The following SUSD1 variants were observed in gnomAD, a reference collection of about 807,000 sequenced individuals.
SUSD1 encodes the protein sushi domain-containing protein 1.
A neutral mutation model predicts 86.9 loss-of-function variants in SUSD1; 65 were observed. The observed-to-expected ratio is 0.75, with a 90% CI of 0.61 to 0.92. The LOEUF is 0.92. Ranked by LOEUF, SUSD1 falls within the 40% of genes least tolerant of loss-of-function variation. The pLI is 0.00. For synonymous variants in SUSD1, 346 were observed against 350.0 expected (o/e 0.99, Z 0.13); for missense variants, 850 against 929.7 (o/e 0.91, Z 1.11).
At chr9:112,059,341 A>G (rs1828606776) in intron 13 of SUSD1, among the ~76,000 whole-genome samples, 1 of 152,142 alleles carries the variant, frequency 6.6e-6, no homozygotes, top group Non-Finnish European at 1.5e-5. Flanking sequence ...CATAAAATTG[A>G]CCTGATCAGT....
rs1227453685 is a variant in SUSD1 at position 112,073,513 on chromosome 9, C to T, written c.1753+5025G>A. Among the ~76,000 whole-genome samples the T allele has an allele frequency of 5.3e-5, 8 of 149,750 alleles. No homozygotes were observed. In the East Asian group the frequency reaches 1.6e-3, roughly 30 times the overall value. On this transcript the variant is annotated intron_variant, in intron 12 of 16. Transcript: ENST00000374270. ...TCTTCCCCACCCCGCCCCCACCCAC[C>T]CCCATCCTCCTCTCTCTGGTTTCCT... is the stretch of plus-strand genomic sequence containing the variant.
At chr9:112,124,176 A>G (rs914046072) in intron 6 of SUSD1, 81 bp downstream of exon 6, 2 of 1,398,834 alleles carry the variant, frequency 1.4e-6, no homozygotes, top group African/African-American at 1.4e-5. Flanking sequence ...AGAGTGAAGC[A>G]GCAATCAGAT....
At chr9:112,106,246 T>G (rs558781715) in intron 8 of SUSD1, among the ~76,000 whole-genome samples, 104 of 152,174 alleles carry the variant, frequency 6.8e-4, no homozygotes, top group Non-Finnish European at 1.1e-3. Flanking sequence ...GTGCAGGGAT[T>G]ACAGGCATGA....
chr9:112,089,879 C>G (rs1167161560), intron 10 of SUSD1, among the ~76,000 whole-genome samples: 1 of 149,458 alleles, frequency 6.7e-6, no homozygotes, highest in Non-Finnish European at 1.5e-5. Flanking sequence ...GAGCGAGAAT[C>G]AAGAAGTTTT....
intron 8 of SUSD1, chr9:112,103,304 G>A (rs1440367974): frequency 2.0e-5 from 6 of 306,490 alleles, no homozygotes; most frequent in Admixed American, 1.5e-4. Flanking sequence ...GTAGAAAGAT[G>A]GTTATGAGAG....
At chr9:112,096,609 G>A (rs529165789) in intron 10 of SUSD1, among the ~76,000 whole-genome samples, 26 of 152,054 alleles carry the variant, frequency 1.7e-4, no homozygotes, top group African/African-American at 6.0e-4. Context: ...GCGCAATCTC[G>A]GCTCCCTGCA....
intron 13 of SUSD1, among the ~76,000 whole-genome samples, 176 bp from the exon 14 acceptor site, chr9:112,058,862 C>T (rs1027691708): frequency 2.0e-5 from 3 of 152,078 alleles, no homozygotes; most frequent in South Asian, 2.1e-4. Context: ...GGTGCAATCT[C>T]GGCTCACTGC....
At chr9:112,069,308 T>C (rs1408336) in intron 12 of SUSD1, among the ~76,000 whole-genome samples, 61,772 of 152,038 alleles carry the variant, frequency 0.41, 13,452 homozygotes, top group East Asian at 0.76. Context: ...TTGCCAGGTG[T>C]CCCAGGAGGT....
rs1832380196 is a variant in SUSD1 at position 112,138,249 on chromosome 9, A to ATG, written c.706+4070_706+4071insCA. On this transcript the variant is annotated intron_variant, in intron 5 of 16. Coordinates refer to ENST00000374270, the MANE Select transcript of SUSD1 (RefSeq NM_022486.5). ...AAAAAAAAAATGTGTATATATATAT[A>ATG]TATATATGTGTATATACATATATAT... Among the ~76,000 whole-genome samples the ATG allele has an allele frequency of 1.7e-5, 2 of 116,520 alleles. 1 individual carries two copies. Among genetic ancestry groups the ATG allele is most frequent in the African/African-American group, 7.1e-5 (2 of 28,280 alleles). The allele number at this position is 116,520 out of a possible 152,430, so 76.4% of individuals were successfully genotyped here. A position where few individuals can be genotyped will look rare whatever the true frequency, so the allele number is the denominator to read the frequency against.
At chr9:112,123,932 G>A (rs535316328) in intron 6 of SUSD1, among the ~76,000 whole-genome samples, 2 of 152,280 alleles carry the variant, frequency 1.3e-5, no homozygotes, top group East Asian at 3.9e-4. Flanking sequence ...GTCAACAGGT[G>A]TTAAGTTAGG....
intron 10 of SUSD1, among the ~76,000 whole-genome samples, chr9:112,094,728 T>C (rs1830327122): frequency 6.6e-6 from 1 of 152,114 alleles, no homozygotes; most frequent in African/African-American, 2.4e-5. Flanking sequence ...ATTGGCCCAG[T>C]TAGAAAAATA....
chr9:112,104,883 A>G (rs776946574), intron 8 of SUSD1: 2 of 152,214 alleles, frequency 1.3e-5, no homozygotes, highest in African/African-American at 2.4e-5. Flanking sequence ...AGAGGGAAGG[A>G]AAGGAAAATT....
At position 112,140,286 on chromosome 9, in the gene SUSD1, CG is replaced by C. The variant is rs957122987; in HGVS notation, c.706+2033del. ...CTGAGGCAGGAGAATGGCGTGAACC[CG>C]GGAAGCGGAGCTTGCCGTGAGCCGA... is the stretch of plus-strand genomic sequence containing the variant. On this transcript the variant is annotated intron_variant, in intron 5 of 16. Transcript: ENST00000374270. Among the ~76,000 whole-genome samples the C allele has an allele frequency of 2.3e-4, 21 of 91,636 alleles. 4 individuals carry two copies. The highest frequency in any genetic ancestry group is 2.0e-3 in the South Asian group (8 of 4,080). The allele number at this position is 91,636 out of a possible 152,430, so 60.1% of individuals were successfully genotyped here. A position where few individuals can be genotyped will look rare whatever the true frequency, so the allele number is the denominator to read the frequency against.
Position 112,051,408 on chromosome 9 carries a change from CTTTTTTTTTT to C in SUSD1, c.2149+981_2149+990del, listed in dbSNP as rs746946192. Among the ~76,000 whole-genome samples the C allele has an allele frequency of 3.8e-4, 29 of 77,046 alleles. 1 individual carries two copies. The highest frequency in any genetic ancestry group is 1.1e-3 in the African/African-American group (24 of 20,960). The allele number at this position is 77,046 out of a possible 152,430, so 50.5% of individuals were successfully genotyped here. A position where few individuals can be genotyped will look rare whatever the true frequency, so the allele number is the denominator to read the frequency against. On this transcript the variant is annotated intron_variant, in intron 15 of 16. Transcript: ENST00000374270. ...TGTTAAGGGAAGAAGTTTTTCTTTT[CTTTTTTTTTT>C]TTTTTTTTTTTTTTTGTTGTTGTTG...
intron 5 of SUSD1, among the ~76,000 whole-genome samples, chr9:112,138,331 T>TTGATG (rs974989979): frequency 2.4e-5 from 3 of 123,324 alleles, no homozygotes; most frequent in African/African-American, 8.8e-5. Context: ...CATTAACATT[T>TTGATG]TGATGTATGG....
chr9:112,139,871 A>T (rs542917356), intron 5 of SUSD1, among the ~76,000 whole-genome samples: 235 of 152,152 alleles, frequency 1.5e-3, no homozygotes, highest in African/African-American at 4.4e-3. Flanking sequence ...AATTAAAAAA[A>T]TTTTTTTTCA....
At chr9:112,135,394 T>C (rs1285283781) in intron 5 of SUSD1, among the ~76,000 whole-genome samples, 2 of 152,168 alleles carry the variant, frequency 1.3e-5, no homozygotes, top group East Asian at 3.8e-4. Context: ...GTGTCTAATA[T>C]GGAAACAACT....
intron 10 of SUSD1, among the ~76,000 whole-genome samples, chr9:112,089,506 GAA>G (rs1483734747): frequency 6.6e-6 from 1 of 152,070 alleles, no homozygotes; most frequent in African/African-American, 2.4e-5. Context: ...GAAAGTATAA[GAA>G]AGGATATAAT....
intron 1 of SUSD1, among the ~76,000 whole-genome samples, chr9:112,158,025 T>A (rs144818188): frequency 5.3e-5 from 8 of 151,962 alleles, no homozygotes; most frequent in African/African-American, 1.7e-4. Context: ...GGTTTTGCCA[T>A]GTTGCCCAGG....
Sources: gnomAD v4.1 joint callset for allele counts (sites outside exome capture counted in the v4.1 genomes callset) on GRCh38, gnomAD v4.1.1 for gene constraint, MANE v1.5 for transcripts, NCBI Gene and HGNC (gene_info 2026-07-23, HGNC 2026-07-21) for gene names.